The following OCA2 variants were observed in gnomAD, a reference collection of about 807,000 sequenced individuals.
OCA2 encodes P protein.
OCA2 carries 77 observed loss-of-function variants against 100.2 expected under a neutral mutation model. The observed-to-expected ratio is 0.77, with a 90% CI of 0.64 to 0.93. The LOEUF is 0.93. Among genes scored for constraint, OCA2 ranks in the 40% least tolerant of loss-of-function variants. The pLI, the probability that OCA2 is intolerant of heterozygous loss-of-function variation, is 0.00. For missense variants in OCA2, 1,062 were observed against 1,089.1 expected (o/e 0.98, Z 0.35); for synonymous variants, 432 against 439.2 (o/e 0.98, Z 0.21).
chr15:27,928,434 T>C (rs919563322), intron 18 of OCA2, among the ~76,000 whole-genome samples: 1 of 152,188 alleles, frequency 6.6e-6, no homozygotes, highest in Non-Finnish European at 1.5e-5. Flanking sequence ...AAAGGTGTAC[T>C]AGTTTTCAAT....
At chr15:27,934,957 G>A (rs568995070) in intron 18 of OCA2, among the ~76,000 whole-genome samples, 3 of 152,198 alleles carry the variant, frequency 2.0e-5, no homozygotes, top group South Asian at 4.2e-4. Flanking sequence ...GCTTGGTATT[G>A]CCTGGTCCTG....
chr15:27,918,947 T>C (rs564135467), intron 19 of OCA2, among the ~76,000 whole-genome samples: 5 of 152,172 alleles, frequency 3.3e-5, no homozygotes, highest in Admixed American at 1.3e-4. Flanking sequence ...CCTAGGTTAG[T>C]ACAGATAAAA....
chr15:27,878,481 G>A (rs2036880285), intron 19 of OCA2, among the ~76,000 whole-genome samples: 1 of 152,116 alleles, frequency 6.6e-6, no homozygotes, highest in African/African-American at 2.4e-5. Flanking sequence ...TTGCTGGATA[G>A]AGAATTCTGG....
intron 2 of OCA2, among the ~76,000 whole-genome samples, chr15:28,061,829 C>T (rs1007125433): frequency 6.6e-6 from 1 of 152,172 alleles, no homozygotes; most frequent in African/African-American, 2.4e-5. Flanking sequence ...TACAATTTAT[C>T]GTTTTTTATA....
intron 18 of OCA2, among the ~76,000 whole-genome samples, chr15:27,933,660 C>T (rs994922962): frequency 5.9e-5 from 9 of 152,038 alleles, no homozygotes; most frequent in Non-Finnish European, 1.2e-4. Flanking sequence ...CAGGCCAGGG[C>T]GGGAGTCACA....
intron 23 of OCA2, among the ~76,000 whole-genome samples, chr15:27,766,619 T>G (rs1178605608): frequency 2.0e-5 from 3 of 152,194 alleles, no homozygotes; most frequent in Non-Finnish European, 4.4e-5. Flanking sequence ...TCTGAAACTC[T>G]GCTTTGTTAA....
the OCA2 span, among the ~76,000 whole-genome samples, chr15:27,722,714 TTC>T: frequency 0.14 from 13,848 of 100,900 alleles, 1,255 homozygotes; most frequent in African/African-American, 0.31. Context: ...CTTCCTTTCT[TTC>T]TCTCTTTCTT....
intron 19 of OCA2, among the ~76,000 whole-genome samples, chr15:27,904,201 G>C (rs946633258): frequency 6.6e-6 from 1 of 152,132 alleles, no homozygotes; most frequent in African/African-American, 2.4e-5. Flanking sequence ...GCATTGTTCA[G>C]CTCCCTCGCT....
At chr15:27,933,122 A>G (rs2039316748) in intron 18 of OCA2, among the ~76,000 whole-genome samples, 1 of 152,254 alleles carries the variant, frequency 6.6e-6, no homozygotes, top group African/African-American at 2.4e-5. Flanking sequence ...GGATATCTGC[A>G]TGCAAAAGAA....
intron 21 of OCA2, among the ~76,000 whole-genome samples, chr15:27,858,219 CA>C (rs563542031): frequency 6.6e-5 from 10 of 151,898 alleles, no homozygotes; most frequent in Admixed American, 3.3e-4. Flanking sequence ...ACTAAAAATA[CA>C]AAAATTAGCC....
At chr15:27,995,976 CT>C (rs1488981580) in intron 9 of OCA2, among the ~76,000 whole-genome samples, 1 of 152,018 alleles carries the variant, frequency 6.6e-6, no homozygotes, top group African/African-American at 2.4e-5. Flanking sequence ...CCATGCCTGA[CT>C]AATTTTTGTA....
intron 21 of OCA2, among the ~76,000 whole-genome samples, chr15:27,861,285 G>T (rs1024267531): frequency 6.6e-6 from 1 of 152,174 alleles, no homozygotes; most frequent in Non-Finnish European, 1.5e-5. Flanking sequence ...GAAGAGTGGG[G>T]AAAGATGGAA....
chr15:27,889,733 G>A (rs1268641702), intron 19 of OCA2, among the ~76,000 whole-genome samples: 4 of 152,236 alleles, frequency 2.6e-5, no homozygotes, highest in Admixed American at 6.5e-5. Context: ...TGTCTGGGGA[G>A]GATGTGCCAT....
intron 1 of OCA2, among the ~76,000 whole-genome samples, chr15:28,093,411 CA>C (rs56141333): frequency 0.93 from 132,374 of 142,038 alleles, 61,813 homozygotes; most frequent in Non-Finnish European, 0.98. Context: ...AACACCGTCT[CA>C]AAAAAAAAAA....
chr15:27,742,273 A>T, the OCA2 span, among the ~76,000 whole-genome samples: 1 of 152,190 alleles, frequency 6.6e-6, no homozygotes, highest in African/African-American at 2.4e-5. Context: ...TGCAGATTGC[A>T]AGTTAAACAT....
At chr15:28,075,616 G>T (rs761689805) in intron 2 of OCA2, among the ~76,000 whole-genome samples, 26 of 152,190 alleles carry the variant, frequency 1.7e-4, no homozygotes, top group Non-Finnish European at 3.4e-4. Flanking sequence ...ATAAAAACCT[G>T]TATGCCAATG....
At position 27,899,277 on chromosome 15, in the gene OCA2, C is replaced by T. The variant is rs79416511; in HGVS notation, c.2079+26850G>A. Among the ~76,000 whole-genome samples, 363 of 152,222 alleles carry T rather than the reference C, an allele frequency of 2.4e-3. 2 individuals carry two copies. Among genetic ancestry groups the T allele is most frequent in the African/African-American group, 8.4e-3 (349 of 41,538 alleles). ...CTCCAAAAATGTAAAAGAATAAATT[C>T]GGGTTAAGCCACTCAATTTCTGTTA... On this transcript the variant is annotated intron_variant, in intron 19 of 23. Coordinates refer to ENST00000354638, the MANE Select transcript of OCA2 (RefSeq NM_000275.3).
At chr15:28,013,182 C>T (rs908536206) in intron 9 of OCA2, among the ~76,000 whole-genome samples, 3 of 152,104 alleles carry the variant, frequency 2.0e-5, no homozygotes, top group African/African-American at 7.2e-5. Context: ...CAAAATGGAA[C>T]CTGAAGGCTT....
At chr15:28,091,044 G>C (rs11857889) in intron 1 of OCA2, among the ~76,000 whole-genome samples, 1 of 152,076 alleles carries the variant, frequency 6.6e-6, no homozygotes, top group African/African-American at 2.4e-5. Flanking sequence ...AAGAATAATA[G>C]TGGTATATCA....
Sources: allele counts gnomAD v4.1 joint callset (sites outside exome capture counted in the v4.1 genomes callset), GRCh38; gene constraint gnomAD v4.1.1; transcripts MANE v1.5; gene names NCBI Gene and HGNC (gene_info 2026-07-23, HGNC 2026-07-21).